The following EYS variants were observed in gnomAD, a reference collection of about 807,000 sequenced individuals.
EYS encodes the protein EGF-like photoreceptor maintenance factor.
In EYS, 250 loss-of-function variants were observed where a neutral mutation model predicts 282.1. That is an observed-to-expected ratio of 0.89 (90% confidence interval 0.80 to 0.98). The LOEUF is 0.98. Among genes scored for constraint, EYS ranks in the 50% least tolerant of loss-of-function variants. The probability of loss-of-function intolerance (pLI) is 0.00; values close to 1 mark genes in which losing one functional copy is unlikely to be tolerated. For synonymous variants in EYS, 1,355 were observed against 1,282.9 expected, an observed-to-expected ratio of 1.06 and a Z score of -1.20; for missense variants, 4,016 against 3,709.0, an observed-to-expected ratio of 1.08 and a Z score of -2.15.
intron 33 of EYS, among the ~76,000 whole-genome samples, chr6:64,041,179 GA>G (rs1156709029): frequency 2.0e-5 from 3 of 152,064 alleles, no homozygotes; most frequent in Non-Finnish European, 4.4e-5. Flanking sequence ...GATTCTGACA[GA>G]AAGGATCATA....
At chr6:64,295,003 AGT>A (rs1768863199) in intron 30 of EYS, among the ~76,000 whole-genome samples, 1 of 152,116 alleles carries the variant, frequency 6.6e-6, no homozygotes, top group Non-Finnish European at 1.5e-5. Flanking sequence ...TGTGGAACAC[AGT>A]TTTACATGAA....
chr6:65,670,149 G>A (rs905383096), intron 1 of EYS, among the ~76,000 whole-genome samples: 1 of 151,712 alleles, frequency 6.6e-6, no homozygotes, highest in African/African-American at 2.4e-5. Context: ...TCTTTCTAAG[G>A]GCCATTTCTC....
At chr6:64,080,824 C>T (rs1771940002) in intron 32 of EYS, among the ~76,000 whole-genome samples, 1 of 151,952 alleles carries the variant, frequency 6.6e-6, no homozygotes, top group Non-Finnish European at 1.5e-5. Context: ...ATCCTTTCCC[C>T]ATTGCTTGTT....
At chr6:64,370,557 C>T (rs910250029) in intron 29 of EYS, among the ~76,000 whole-genome samples, 1 of 152,078 alleles carries the variant, frequency 6.6e-6, no homozygotes, top group African/African-American at 2.4e-5. Flanking sequence ...GGAGAAATCC[C>T]CCCTCCTCAT....
At chr6:65,063,053 A>G (rs368623302) in intron 12 of EYS, among the ~76,000 whole-genome samples, 1 of 152,002 alleles carries the variant, frequency 6.6e-6, no homozygotes, top group Non-Finnish European at 1.5e-5. Context: ...AAATGAATTC[A>G]TGTATTCTTG....
Position 64,471,602 on chromosome 6 carries a change from A to T in EYS, c.5645-32250T>A, listed in dbSNP as rs145833343. Among the ~76,000 whole-genome samples, 19 of 152,316 alleles carry T rather than the reference A, an allele frequency of 1.2e-4. No individual in the cohort carries two copies. In the East Asian group the frequency reaches 3.5e-3, roughly 28 times the overall value. ...ATTGAAGGGGCCACAAGCAAATGAA[A>T]GGATACTCAATGCTCATGGATCAGA... On this transcript the variant is annotated intron_variant, in intron 26 of 42. Transcript: ENST00000503581.
chr6:64,085,256 G>GT (rs1772104811), intron 31 of EYS, among the ~76,000 whole-genome samples: 1 of 151,782 alleles, frequency 6.6e-6, no homozygotes, highest in Non-Finnish European at 1.5e-5. Flanking sequence ...GATTATAGGC[G>GT]TGAGTCACCC....
intron 15 of EYS, among the ~76,000 whole-genome samples, chr6:64,927,435 T>G (rs1384575460): frequency 6.6e-6 from 1 of 152,174 alleles, no homozygotes; most frequent in East Asian, 1.9e-4. Flanking sequence ...ATAAAAGTTA[T>G]TGATTACTTA....
intron 26 of EYS, among the ~76,000 whole-genome samples, chr6:64,465,506 A>G (rs1775887766): frequency 6.6e-6 from 1 of 152,220 alleles, no homozygotes; most frequent in African/African-American, 2.4e-5. Context: ...GGAAAGAATG[A>G]TATCTTTTAT....
At chr6:65,244,423 ATTG>A (rs1767128219) in intron 12 of EYS, among the ~76,000 whole-genome samples, 1 of 152,124 alleles carries the variant, frequency 6.6e-6, no homozygotes, top group Non-Finnish European at 1.5e-5. Flanking sequence ...ATTTGTTCCT[ATTG>A]TTCTCTTATT....
At chr6:63,885,147 T>A (rs1773231635) in intron 35 of EYS, among the ~76,000 whole-genome samples, 1 of 152,178 alleles carries the variant, frequency 6.6e-6, no homozygotes, top group South Asian at 2.1e-4. Context: ...CAATTAAGCT[T>A]TTCATGGAGT....
At chr6:65,542,348 G>T (rs894839394) in intron 2 of EYS, among the ~76,000 whole-genome samples, 2 of 151,948 alleles carry the variant, frequency 1.3e-5, no homozygotes, top group Non-Finnish European at 2.9e-5. Flanking sequence ...CATTAAATTT[G>T]TATTTGAGTG....
intron 2 of EYS, among the ~76,000 whole-genome samples, chr6:65,589,334 C>T (rs1765156772): frequency 6.6e-6 from 1 of 152,046 alleles, no homozygotes; most frequent in South Asian, 2.1e-4. Context: ...ACGATCCTTA[C>T]TCAGTGCTCT....
At chr6:63,907,321 C>T (rs1352974803) in intron 35 of EYS, among the ~76,000 whole-genome samples, 3 of 152,102 alleles carry the variant, frequency 2.0e-5, no homozygotes, top group African/African-American at 7.2e-5. Flanking sequence ...TTTACAAAGG[C>T]CATGGATAAA....
chr6:64,591,622 C>G lies in EYS; in HGVS notation c.4245G>C (p.Gln1415His), dbSNP rs375166229. Residue 1415 changes from glutamine (Q) to histidine (H), a missense_variant, in exon 26 of 43, where the codon CAG becomes CAC. Gln to His is a conservative substitution (Grantham distance 24, BLOSUM62 0). Coordinates refer to ENST00000503581, the MANE Select transcript of EYS (RefSeq NM_001142800.2). ...TTGGGGTAGCAGATAAAGCAACAGT[C>G]TGACAGTTCTCAAATAATAAAGATT... ...PTQSLLFENC[Q>H]TVALSATPTT... 1.3e-6 allele frequency: 2 copies of G among 1,551,042 alleles called. No individual in the cohort carries two copies. The highest frequency in any genetic ancestry group is 2.4e-5 in the East Asian group (1 of 40,894).
intron 12 of EYS, among the ~76,000 whole-genome samples, chr6:65,156,009 A>G (rs1764720227): frequency 6.6e-6 from 1 of 151,450 alleles, no homozygotes; most frequent in Non-Finnish European, 1.5e-5. Context: ...TTCAGTCTGT[A>G]GATTTTAATT....
chr6:65,695,750 AT>A (rs895532721), intron 1 of EYS, among the ~76,000 whole-genome samples: 1 of 151,856 alleles, frequency 6.6e-6, no homozygotes, highest in African/African-American at 2.4e-5. Flanking sequence ...CAAAAAGTTG[AT>A]TTTTTTGTTG....
chr6:64,942,992 T>C (rs1485937331), intron 15 of EYS, among the ~76,000 whole-genome samples: 3 of 151,998 alleles, frequency 2.0e-5, no homozygotes, highest in South Asian at 2.1e-4. Flanking sequence ...AAGCCTAATA[T>C]GGCAGCACAT....
chr6:63,943,388 C>T (rs533723499), intron 35 of EYS, among the ~76,000 whole-genome samples: 3 of 152,126 alleles, frequency 2.0e-5, no homozygotes, highest in African/African-American at 7.2e-5. Flanking sequence ...TGCAAAAATG[C>T]CTAGTGAGGT....
Sources: allele counts gnomAD v4.1 joint callset (sites outside exome capture counted in the v4.1 genomes callset), GRCh38; gene constraint gnomAD v4.1.1; transcripts MANE v1.5; gene names NCBI Gene and HGNC (gene_info 2026-07-23, HGNC 2026-07-21).